Variants in CACNA2D4 observed in about 807,000 individuals in gnomAD.
The protein encoded by CACNA2D4 is calcium voltage-gated channel auxiliary subunit alpha2delta 4.
Under a neutral mutation model 163.8 loss-of-function variants are expected in CACNA2D4, and 157 were observed. The ratio of observed to expected loss-of-function variants is 0.96; its 90% confidence interval spans 0.84 to 1.09. The LOEUF (loss-of-function observed/expected upper bound fraction) is 1.09, where lower values mean the gene tolerates loss of function less well. Among genes scored for constraint, CACNA2D4 ranks in the 50% least tolerant of loss-of-function variants. The pLI, the probability that CACNA2D4 is intolerant of heterozygous loss-of-function variation, is 0.00. For synonymous variants in CACNA2D4, 598 were observed against 586.9 expected (o/e 1.02, Z -0.27); for missense variants, 1,410 against 1,479.9 (o/e 0.95, Z 0.78).
intron 29 of CACNA2D4, among the ~76,000 whole-genome samples, chr12:1,805,509 G>A (rs1445446021): frequency 6.6e-6 from 1 of 152,128 alleles, no homozygotes; most frequent in Non-Finnish European, 1.5e-5. Flanking sequence ...GGCTCGGGTC[G>A]GGATCAGTTT....
intron 6 of CACNA2D4, among the ~76,000 whole-genome samples, chr12:1,894,269 C>A (rs1866352851): frequency 6.6e-6 from 1 of 152,118 alleles, no homozygotes; most frequent in Non-Finnish European, 1.5e-5. Flanking sequence ...AAAGGAAAAT[C>A]TAGGACCAGA....
Position 1,878,526 on chromosome 12 carries a change from T to C in CACNA2D4, c.1645-137A>G. 2 of 1,474,122 alleles carry C rather than the reference T, an allele frequency of 1.4e-6. No individual in the cohort carries two copies. The highest frequency in any genetic ancestry group is 1.2e-5 in the South Asian group (1 of 81,904). 91.3% of individuals were successfully genotyped at this position (1,474,122 alleles called of 1,614,324 possible). ...TGAGTGTTTTCAATAGGAACGTAACTGAGCCAGTGCCATGCTTCCATCATT... is the reference window on the plus strand; with the variant it reads ...TGAGTGTTTTCAATAGGAACGTAACCGAGCCAGTGCCATGCTTCCATCATT... On this transcript the variant is annotated intron_variant, in intron 15 of 37. Coordinates refer to ENST00000382722, the MANE Select transcript of CACNA2D4 (RefSeq NM_172364.5). This position sits in a 1 kb window ranked among gnomAD's most constrained non-coding sequence, Gnocchi z 4.6.
intron 29 of CACNA2D4, among the ~76,000 whole-genome samples, chr12:1,804,121 CTGTGTGTGTGTGTG>C (rs57706301): frequency 3.0e-4 from 42 of 139,166 alleles, no homozygotes; most frequent in East Asian, 1.5e-3. Context: ...ATTCTAGTTA[CTGTGTGTGTGTGTG>C]TGTGTGTGTG....
intron 26 of CACNA2D4, among the ~76,000 whole-genome samples, chr12:1,817,738 G>A (rs1268117970): frequency 2.6e-5 from 4 of 152,238 alleles, no homozygotes; most frequent in East Asian, 3.9e-4. Flanking sequence ...CGCCAGCCTC[G>A]GCCTCCCGAG....
chr12:1,878,993 GC>G lies in CACNA2D4; in HGVS notation c.1606del (p.Ala536ProfsTer2). ...ILLGVVGSDV[A>X]LRELMKLAPR... ...CGCCAGCTTCATCAGCTCTCTCAGG[GC>G]CACATCTGAGCCCACCACACCCAGG... On this transcript the variant is annotated frameshift_variant, in exon 15 of 38. Coordinates refer to ENST00000382722, the MANE Select transcript of CACNA2D4 (RefSeq NM_172364.5). LOFTEE classifies it high-confidence loss of function. The surrounding 1 kb of genome is among the most constrained non-coding windows in gnomAD (Gnocchi z 4.6). The G allele has an allele frequency of 1.2e-6, 2 of 1,613,820 alleles. No homozygotes were observed. Among genetic ancestry groups the G allele is most frequent in the Non-Finnish European group, 1.7e-6 (2 of 1,179,826 alleles).
rs770810242 is a variant in CACNA2D4, at chr12:1,878,361, T to C, written c.1673A>G (p.Asn558Ser). 26 of 1,608,520 alleles carry C rather than the reference T, an allele frequency of 1.6e-5. No homozygotes were observed. The highest frequency in any genetic ancestry group is 2.1e-5 in the Non-Finnish European group (25 of 1,177,772). Residue 558 changes from asparagine (N) to serine (S), a missense_variant, in exon 16 of 38, where the codon AAC becomes AGC. Transcript: ENST00000382722. The surrounding 1 kb of genome is among the most constrained non-coding windows in gnomAD (Gnocchi z 4.6). Reference protein sequence around the residue: ...KLGVHGYAFLNTNNGYILSHP... With the variant: ...KLGVHGYAFLSTNNGYILSHP... ...GGAGAGGATGTAGCCATTGTTGGTGTTCAGAAAGGCGTATCCGTGCACTCC... is the reference window on the plus strand; with the variant it reads ...GGAGAGGATGTAGCCATTGTTGGTGCTCAGAAAGGCGTATCCGTGCACTCC...
intron 23 of CACNA2D4, among the ~76,000 whole-genome samples, chr12:1,852,250 T>C (rs373549637): frequency 6.6e-6 from 1 of 152,204 alleles, no homozygotes; most frequent in Non-Finnish European, 1.5e-5. Context: ...CTGGCCTTGT[T>C]AAATAGCAAT....
At chr12:1,841,242 C>T (rs1299871263) in intron 25 of CACNA2D4, among the ~76,000 whole-genome samples, 3 of 152,182 alleles carry the variant, frequency 2.0e-5, no homozygotes, top group Non-Finnish European at 4.4e-5. Context: ...GGGAGGACGC[C>T]GACAGTCAGT....
At position 1,811,418 on chromosome 12, in the gene CACNA2D4, C is replaced by G. The variant is rs116486384; in HGVS notation, c.2613+244G>C. On this transcript the variant is annotated intron_variant, in intron 27 of 37. Transcript: ENST00000382722. ...TTTCAGCGGGGAGGCATGCCAGTGG[C>G]TTTGGAGTGGCGAGAAGGGGTGACT... Among the ~76,000 whole-genome samples, 434 of 152,326 alleles carry G rather than the reference C, an allele frequency of 2.8e-3. 3 individuals are homozygous for G. The highest frequency in any genetic ancestry group is 9.3e-3 in the African/African-American group (385 of 41,578).
intron 18 of CACNA2D4, among the ~76,000 whole-genome samples, chr12:1,864,258 A>G (rs1487725280): frequency 1.3e-5 from 2 of 152,250 alleles, no homozygotes; most frequent in Non-Finnish European, 2.9e-5. Flanking sequence ...GCAAAGAATG[A>G]GGAAACCAAC....
intron 26 of CACNA2D4, among the ~76,000 whole-genome samples, chr12:1,822,855 G>A (rs1443948942): frequency 1.3e-5 from 2 of 152,194 alleles, no homozygotes; most frequent in Admixed American, 6.5e-5. Context: ...CCTGCGTCCT[G>A]GCCACATGGA....
At position 1,883,054 on chromosome 12, in the gene CACNA2D4, C is replaced by T. The variant is rs1866045309; in HGVS notation, c.1352-54G>A. 1.3e-6 allele frequency: 2 copies of T among 1,566,472 alleles called. No homozygotes were observed. The highest frequency in any genetic ancestry group is 3.7e-5 in the Admixed American group (2 of 54,344). On this transcript the variant is annotated intron_variant, in intron 12 of 37. Coordinates refer to ENST00000382722, the MANE Select transcript of CACNA2D4 (RefSeq NM_172364.5). The surrounding 1 kb of genome is among the most constrained non-coding windows in gnomAD (Gnocchi z 4.5). ...GAAGGCAGGGCTTCCCTGGGAACCC[C>T]TCGCCAGGGCCTGCACCCTCCCCAG...
chr12:1,818,025 A>C (rs1248309130), intron 26 of CACNA2D4, among the ~76,000 whole-genome samples: 1 of 140,094 alleles, frequency 7.1e-6, no homozygotes, highest in Non-Finnish European at 1.5e-5. Context: ...CCGCCATCCC[A>C]TCTAGGAAGT....
intron 27 of CACNA2D4, among the ~76,000 whole-genome samples, chr12:1,810,915 T>C (rs986554428): frequency 2.0e-5 from 3 of 152,180 alleles, no homozygotes; most frequent in African/African-American, 7.2e-5. Flanking sequence ...CGGCAGGCCC[T>C]GGGTGGTGGA....
At chr12:1,832,799 CCTT>C (rs1327941929) in intron 26 of CACNA2D4, among the ~76,000 whole-genome samples, 1 of 152,182 alleles carries the variant, frequency 6.6e-6, no homozygotes, top group Non-Finnish European at 1.5e-5. Context: ...TTGAGATAGA[CCTT>C]CTTATTTTAC....
rs1863004036 is a variant in CACNA2D4 at position 1,792,479 on chromosome 12, A to G, written c.*1176T>C. ...GGGGGAAGCGCCCCAAAAGCCCTGC[A>G]TGCTGTCCATACCCATCACTGGGGT... On this transcript the variant is annotated 3_prime_UTR_variant, in exon 38 of 38. Transcript: ENST00000382722. The G allele has an allele frequency of 6.6e-6, 1 of 152,274 alleles. No homozygotes were observed. Among genetic ancestry groups the G allele is most frequent in the Admixed American group, 6.5e-5 (1 of 15,280 alleles). 9.4% of individuals were successfully genotyped at this position (152,274 alleles called of 1,614,324 possible). A position where few individuals can be genotyped will look rare whatever the true frequency, so the allele number is the denominator to read the frequency against.
At chr12:1,831,549 G>GGCCC in intron 26 of CACNA2D4, 1 of 1,587,080 alleles carries the variant, frequency 6.3e-7, no homozygotes, top group Non-Finnish European at 8.6e-7. Flanking sequence ...GCCCTGCTGG[G>GGCCC]GCCCGAGGGA....
At chr12:1,853,160 T>G (rs1433513670) in intron 23 of CACNA2D4, among the ~76,000 whole-genome samples, 1 of 152,130 alleles carries the variant, frequency 6.6e-6, no homozygotes, top group East Asian at 1.9e-4. Flanking sequence ...GTTTCCTGAG[T>G]AGCCTTGCGT....
intron 18 of CACNA2D4, among the ~76,000 whole-genome samples, chr12:1,865,256 G>C (rs1865622096): frequency 6.6e-6 from 1 of 152,232 alleles, no homozygotes; most frequent in South Asian, 2.1e-4. Flanking sequence ...GGAGCCTGAT[G>C]GTCTCGCTGT....
Sources: allele counts gnomAD v4.1 joint callset (sites outside exome capture counted in the v4.1 genomes callset), GRCh38; gene constraint gnomAD v4.1.1; non-coding constraint Gnocchi (gnomAD v3.1); transcripts MANE v1.5; gene names NCBI Gene and HGNC (gene_info 2026-07-23, HGNC 2026-07-21).